The following HYDIN variants were observed in gnomAD, a reference collection of about 807,000 sequenced individuals.
HYDIN encodes the protein axonemal central pair apparatus protein HYDIN.
Under a neutral mutation model 403.9 loss-of-function variants are expected in HYDIN, and 132 were observed. That is an observed-to-expected ratio of 0.33 (90% CI 0.28 to 0.38). The LOEUF (loss-of-function observed/expected upper bound fraction) is 0.38, where lower values mean the gene tolerates loss of function less well. HYDIN is among the 10% of genes least tolerant of loss of function. The probability of loss-of-function intolerance (pLI) is 1.00; values close to 1 mark genes in which losing one functional copy is unlikely to be tolerated. For synonymous variants in HYDIN, 1,202 were observed against 1,891.7 expected (o/e 0.64, Z 9.46); for missense variants, 2,827 against 5,009.5 (o/e 0.56, Z 13.15).
chr16:70,806,518 G>A lies in HYDIN; in HGVS notation c.*1062C>T, dbSNP rs1341934663. Among the ~76,000 whole-genome samples, 1 of 152,164 alleles carries A rather than the reference G, an allele frequency of 6.6e-6. No individual in the cohort carries two copies. The highest frequency in any genetic ancestry group is 1.5e-5 in the Non-Finnish European group (1 of 68,040). ...TTTTTGATTCAGTCGATCTGACATG[G>A]GGACTGAGAGTTTGACTTTTAATAA... On this transcript the variant is annotated 3_prime_UTR_variant, in exon 86 of 86. Coordinates refer to ENST00000393567, the MANE Select transcript of HYDIN (RefSeq NM_001270974.2).
At position 70,908,874 on chromosome 16, in the gene HYDIN, C is replaced by A; in HGVS notation, c.8005-13G>T. The A allele has an allele frequency of 6.2e-7, 1 of 1,609,822 alleles. No homozygotes were observed. Among genetic ancestry groups the A allele is most frequent in the Non-Finnish European group, 8.5e-7 (1 of 1,178,936 alleles). ...GCTCCTCTTGAGCCTTAATTAAAAA[C>A]GAGCATGAGGTCTTAAATATTCACT... is the stretch of plus-strand genomic sequence containing the variant. On this transcript the variant is annotated splice_polypyrimidine_tract_variant and intron_variant, in intron 47 of 85. Transcript: ENST00000393567.
chr16:70,809,340 C>T (rs1444032080), intron 85 of HYDIN, among the ~76,000 whole-genome samples: 1 of 152,178 alleles, frequency 6.6e-6, no homozygotes. Flanking sequence ...ATCCTTATAG[C>T]AATCCTGCAA....
intron 9 of HYDIN, among the ~76,000 whole-genome samples, chr16:71,118,212 G>C (rs2084117618): frequency 1.3e-5 from 2 of 151,924 alleles, no homozygotes; most frequent in Non-Finnish European, 2.9e-5. Flanking sequence ...CCCTGGTACT[G>C]GGAATGCATT....
chr16:70,936,872 C>G (rs2077508536), intron 44 of HYDIN, among the ~76,000 whole-genome samples: 1 of 151,474 alleles, frequency 6.6e-6, no homozygotes, highest in Non-Finnish European at 1.5e-5. Flanking sequence ...GTGGCTAGCT[C>G]AGAGCCATGG....
chr16:70,820,279 C>T (rs1051262933), intron 83 of HYDIN, among the ~76,000 whole-genome samples: 5 of 147,820 alleles, frequency 3.4e-5, no homozygotes, highest in Non-Finnish European at 7.5e-5. Context: ...CAAGCTCCCC[C>T]TCCTGGTTTC....
intron 83 of HYDIN, among the ~76,000 whole-genome samples, chr16:70,820,382 G>A (rs1328529334): frequency 6.8e-6 from 1 of 146,312 alleles, no homozygotes; most frequent in African/African-American, 2.5e-5. Context: ...TAGTAGAGAT[G>A]GGGTTTCACC....
intron 8 of HYDIN, among the ~76,000 whole-genome samples, chr16:71,134,352 C>A (rs1332447066): frequency 2.0e-5 from 3 of 152,062 alleles, no homozygotes; most frequent in Non-Finnish European, 2.9e-5. Flanking sequence ...GAAGTTAAAT[C>A]TTTTAACTAT....
chr16:71,201,186 CT>C (rs2087988703), intron 1 of HYDIN, among the ~76,000 whole-genome samples: 1 of 152,044 alleles, frequency 6.6e-6, no homozygotes, highest in South Asian at 2.1e-4. Context: ...TTATGTCTTC[CT>C]TCCCTACCAG....
rs868562942 is a variant in HYDIN, at chr16:71,230,654, C to T, written c.-116G>A. The T allele has an allele frequency of 1.7e-5, 26 of 1,536,084 alleles. No homozygotes were observed. The African/African-American group carries it at 2.7e-4, about 16-fold the overall frequency. ...CAGACCCCGCCGCCGCTGAGGGGCT[C>T]CATACCCAGCTTGAAGCCGCCCGCA... On this transcript the variant is annotated 5_prime_UTR_variant, in exon 1 of 86. Coordinates refer to ENST00000393567, the MANE Select transcript of HYDIN (RefSeq NM_001270974.2).
chr16:70,940,866 C>G (rs1235016988), intron 43 of HYDIN, among the ~76,000 whole-genome samples: 5 of 152,240 alleles, frequency 3.3e-5, no homozygotes, highest in African/African-American at 4.8e-5. Context: ...AGTCGTGTGG[C>G]TGGAGCCGAA....
chr16:70,902,535 C>T (rs2143757675), intron 52 of HYDIN, among the ~76,000 whole-genome samples: 1 of 146,798 alleles, frequency 6.8e-6, no homozygotes, highest in South Asian at 2.2e-4. Context: ...AGGAGAATCG[C>T]TTGAATCCGG....
At chr16:70,970,473 A>G in intron 36 of HYDIN, 47 bp downstream of exon 36, 1 of 1,602,202 alleles carries the variant, frequency 6.2e-7, no homozygotes, top group Admixed American at 1.7e-5. Flanking sequence ...TCAAGGGGAA[A>G]AAGATGGGAA....
intron 75 of HYDIN, among the ~76,000 whole-genome samples, chr16:70,849,165 G>A (rs1325942926): frequency 6.6e-6 from 1 of 152,024 alleles, no homozygotes; most frequent in Non-Finnish European, 1.5e-5. Context: ...GGTTTTCAAG[G>A]CTACTGCAGA....
intron 21 of HYDIN, among the ~76,000 whole-genome samples, chr16:71,023,063 C>A (rs2080556358): frequency 6.6e-6 from 1 of 152,088 alleles, no homozygotes; most frequent in South Asian, 2.1e-4. Flanking sequence ...GAGTTTTCTC[C>A]CAGTAATGGC....
At chr16:71,020,350 C>T (rs1255884123) in intron 21 of HYDIN, 33 bp from the exon 22 acceptor site, 1 of 1,602,282 alleles carries the variant, frequency 6.2e-7, no homozygotes, top group African/African-American at 1.3e-5. Flanking sequence ...AACAAATCAA[C>T]TTATGGTAAA....
chr16:70,904,716 G>A (rs1452111356), intron 50 of HYDIN, among the ~76,000 whole-genome samples: 1 of 150,774 alleles, frequency 6.6e-6, no homozygotes, highest in Admixed American at 6.6e-5. Flanking sequence ...TAGCCAGGCT[G>A]GTCTCGAACT....
intron 61 of HYDIN, 39 bp from the exon 62 acceptor site, chr16:70,879,525 A>G (rs773371400): frequency 1.6e-5 from 25 of 1,609,098 alleles, no homozygotes; most frequent in Middle Eastern, 1.7e-4. Context: ...TCAGCCTGGC[A>G]TGGTGGGAAT....
intron 19 of HYDIN, among the ~76,000 whole-genome samples, chr16:71,030,450 T>TA (rs1453404591): frequency 6.6e-6 from 1 of 150,832 alleles, no homozygotes; most frequent in Non-Finnish European, 1.5e-5. Flanking sequence ...TTTTTTTTTT[T>TA]AAGACAGGGT....
At chr16:71,224,408 A>G (rs1961433390) in intron 1 of HYDIN, among the ~76,000 whole-genome samples, 2 of 152,202 alleles carry the variant, frequency 1.3e-5, no homozygotes, top group South Asian at 4.1e-4. Context: ...CCATGTAACG[A>G]AAAACCACTT....
Sources: allele counts gnomAD v4.1 joint callset (sites outside exome capture counted in the v4.1 genomes callset), GRCh38; gene constraint gnomAD v4.1.1; transcripts MANE v1.5; gene names NCBI Gene and HGNC (gene_info 2026-07-23, HGNC 2026-07-21).